SERPINB12: variants seen among roughly 807,000 people sequenced by gnomAD.
SERPINB12 encodes serpin B12.
In SERPINB12, 57 loss-of-function variants were observed where a neutral mutation model predicts 41.1. The observed-to-expected ratio is 1.39, with a 90% CI of 1.12 to 1.73. The LOEUF is 1.73. SERPINB12 is among the 40% of genes most tolerant of loss of function. The pLI is 0.00. For synonymous variants in SERPINB12, 180 were observed against 181.3 expected (o/e 0.99, Z 0.06); for missense variants, 536 against 501.9 (o/e 1.07, Z -0.65).
At chr18:63,551,321 T>C (rs770308200) in intron 1 of SERPINB12, among the ~76,000 whole-genome samples, 1 of 151,892 alleles carries the variant, frequency 6.6e-6, no homozygotes, top group Admixed American at 6.6e-5. Context: ...TTTTCAGGTA[T>C]GATTTCTTTT....
chr18:63,566,876 A>T lies in SERPINB12; in HGVS notation c.1143A>T (p.Ala381=). The change falls in exon 8 of 8, where the codon GCA becomes GCT. Residue 381 remains alanine, a synonymous_variant. Coordinates refer to ENST00000382768, the MANE Select transcript of SERPINB12 (RefSeq NM_001307928.2). ...ATGAAAACGGTACCCAGGCAGCTGC[A>T]GCCACTGGGGCTGTTGTCTCGGAAA... is the stretch of plus-strand genomic sequence containing the variant. The part of the protein sequence containing the change: ...EVDENGTQAA[A]ATGAVVSERS... 1 of 1,614,200 alleles carries T rather than the reference A, an allele frequency of 6.2e-7. No individual in the cohort carries two copies. The highest frequency in any genetic ancestry group is 8.5e-7 in the Non-Finnish European group (1 of 1,180,018).
At chr18:63,529,611 C>T in the SERPINB12 span, among the ~76,000 whole-genome samples, 1 of 152,068 alleles carries the variant, frequency 6.6e-6, no homozygotes, top group East Asian at 1.9e-4. Flanking sequence ...GCCCAGATGT[C>T]AGCACTTCAT....
the SERPINB12 span, among the ~76,000 whole-genome samples, chr18:63,521,986 A>G: frequency 6.6e-6 from 1 of 152,270 alleles, no homozygotes; most frequent in South Asian, 2.1e-4. Context: ...AGGTAGGACT[A>G]CAATCTAATG....
intron 7 of SERPINB12, 94 bp downstream of exon 7, chr18:63,565,706 T>C (rs1911078960): frequency 9.8e-7 from 1 of 1,017,090 alleles, no homozygotes; most frequent in Non-Finnish European, 1.4e-6. Context: ...GGAAATTCAG[T>C]ACCTCAGCTG....
In SERPINB12 at chr18:63,559,726, G is replaced by T; in HGVS notation, c.444+8G>T. The T allele has an allele frequency of 6.2e-7, 1 of 1,613,748 alleles. No homozygotes were observed. The highest frequency in any genetic ancestry group is 8.5e-7 in the Non-Finnish European group (1 of 1,179,800). ...GAATTCCCAATCTGTCAGGTGAGTT[G>T]CACACGAATGGTGACTAAAGCTACC... is the stretch of plus-strand genomic sequence containing the variant. On this transcript the variant is annotated splice_region_variant and intron_variant, in intron 4 of 7. Transcript: ENST00000382768.
the SERPINB12 span, among the ~76,000 whole-genome samples, chr18:63,526,113 A>G: frequency 0.025 from 3,867 of 152,200 alleles, 142 homozygotes; most frequent in African/African-American, 0.088. Context: ...AAAACATTTG[A>G]GCTAGTTGCT....
At chr18:63,543,274 G>T (rs1910312492) in intron 1 of SERPINB12, among the ~76,000 whole-genome samples, 1 of 152,184 alleles carries the variant, frequency 6.6e-6, no homozygotes, top group Admixed American at 6.5e-5. Context: ...CATCATAAGT[G>T]CAGGGACAAT....
At chr18:63,520,117 G>A in the SERPINB12 span, among the ~76,000 whole-genome samples, 1 of 152,186 alleles carries the variant, frequency 6.6e-6, no homozygotes, top group Non-Finnish European at 1.5e-5. Context: ...CAGGTGTGAG[G>A]CTCTTGCTCT....
chr18:63,535,987 TTCTC>T, the SERPINB12 span, among the ~76,000 whole-genome samples: 51 of 152,164 alleles, frequency 3.4e-4, no homozygotes, highest in Middle Eastern at 6.8e-3. Flanking sequence ...TATATATATT[TTCTC>T]TCTATGTAAA....
At chr18:63,552,934 G>A (rs139035732) in intron 1 of SERPINB12, among the ~76,000 whole-genome samples, 205 of 152,214 alleles carry the variant, frequency 1.3e-3, no homozygotes, top group African/African-American at 4.6e-3. Flanking sequence ...CCTATTGTAA[G>A]GGCTTACATA....
chr18:63,523,084 C>G, the SERPINB12 span, among the ~76,000 whole-genome samples: 1 of 151,794 alleles, frequency 6.6e-6, no homozygotes, highest in Non-Finnish European at 1.5e-5. Context: ...CTGGAACATC[C>G]CAAAGTTAGT....
At chr18:63,537,373 T>C (rs376661576), upstream of SERPINB12, among the ~76,000 whole-genome samples, 3 of 152,274 alleles carry the variant, frequency 2.0e-5, no homozygotes, top group South Asian at 2.1e-4. Context: ...GTGCATTGGG[T>C]TTTCTCTTTT....
At position 63,569,311 on chromosome 18, in the gene SERPINB12, T is replaced by G. The variant is rs1424272876; in HGVS notation, c.*2300T>G. 6.6e-6 allele frequency among the ~76,000 whole-genome samples: 1 copy of G among 152,252 alleles called. No individual in the cohort carries two copies. Among genetic ancestry groups the G allele is most frequent in the Non-Finnish European group, 1.5e-5 (1 of 68,040 alleles). On this transcript the variant is annotated 3_prime_UTR_variant, in exon 8 of 8. Coordinates refer to ENST00000382768, the MANE Select transcript of SERPINB12 (RefSeq NM_001307928.2). ...TTCTTCTGAATGAATAAAGCACTTTTGTTATTAGTTAAAATATATACGATG... is the reference window on the plus strand; with the variant it reads ...TTCTTCTGAATGAATAAAGCACTTTGGTTATTAGTTAAAATATATACGATG...
At chr18:63,531,482 A>C in the SERPINB12 span, among the ~76,000 whole-genome samples, 2 of 152,192 alleles carry the variant, frequency 1.3e-5, no homozygotes, top group African/African-American at 2.4e-5. Flanking sequence ...TAAGAGTAGG[A>C]AAGATACGGG....
Position 63,567,120 on chromosome 18 carries a change from C to T in SERPINB12, c.*109C>T. 9.6e-7 allele frequency: 1 copy of T among 1,042,502 alleles called. No homozygotes were observed. The highest frequency in any genetic ancestry group is 1.4e-6 in the Non-Finnish European group (1 of 726,580). The allele number at this position is 1,042,502 out of a possible 1,614,324, so 64.6% of individuals were successfully genotyped here. A position where few individuals can be genotyped will look rare whatever the true frequency, so the allele number is the denominator to read the frequency against. On this transcript the variant is annotated 3_prime_UTR_variant, in exon 8 of 8. Coordinates refer to ENST00000382768, the MANE Select transcript of SERPINB12 (RefSeq NM_001307928.2). ...TTGGTAATATCTAAAGCATCTCCTTCATCCTCCAGCCATCGGCTTGTGCTT... is the reference window on the plus strand; with the variant it reads ...TTGGTAATATCTAAAGCATCTCCTTTATCCTCCAGCCATCGGCTTGTGCTT...
rs908712740 is a variant in SERPINB12 at position 63,567,975 on chromosome 18, C to T, written c.*964C>T. 1.2e-4 allele frequency among the ~76,000 whole-genome samples: 18 copies of T among 146,246 alleles called. No individual in the cohort carries two copies. The highest frequency in any genetic ancestry group is 3.9e-4 in the African/African-American group (16 of 40,890). On this transcript the variant is annotated 3_prime_UTR_variant, in exon 8 of 8. Transcript: ENST00000382768. ...TTCTGGCCACGTGGAGGCTGGCCTC[C>T]GTGTGCCCCTCTCTCTGCCTTCTGG...
At position 63,565,499 on chromosome 18, in the gene SERPINB12, T is replaced by G; in HGVS notation, c.760T>G (p.Phe254Val). 6.2e-7 allele frequency: 1 copy of G among 1,614,002 alleles called. No individual in the cohort carries two copies. The highest frequency in any genetic ancestry group is 8.5e-7 in the Non-Finnish European group (1 of 1,179,928). The stretch of plus-strand genomic sequence containing the variant: ...GCAAAAAGGCCTCTACAGAATTGGC[T>G]TCATAGAGGAGGTGAAGGCACAGAT... ...MTQKGLYRIGFIEEVKAQILE... is the reference protein window; with the variant it reads ...MTQKGLYRIGVIEEVKAQILE... Residue 254 changes from phenylalanine to valine, a missense_variant, in exon 7 of 8, where the codon TTC becomes GTC. By Grantham distance (50) the Phe-to-Val change is conservative. Coordinates refer to ENST00000382768, the MANE Select transcript of SERPINB12 (RefSeq NM_001307928.2).
Position 63,567,322 on chromosome 18 carries a change from A to G in SERPINB12, c.*311A>G, listed in dbSNP as rs1391965567. Among the ~76,000 whole-genome samples the G allele has an allele frequency of 3.9e-5, 6 of 152,258 alleles. No homozygotes were observed. The East Asian group carries it at 9.6e-4, about 24-fold the overall frequency. ...TGAAGGAATCCTAAAAGTTCAGGTC[A>G]TTAGACCATTTCTAAGAGATGGCAA... is the stretch of plus-strand genomic sequence containing the variant. On this transcript the variant is annotated 3_prime_UTR_variant, in exon 8 of 8. Coordinates refer to ENST00000382768, the MANE Select transcript of SERPINB12 (RefSeq NM_001307928.2).
the SERPINB12 span, among the ~76,000 whole-genome samples, chr18:63,529,925 C>T: frequency 2.0e-5 from 3 of 152,044 alleles, no homozygotes; most frequent in Admixed American, 6.6e-5. Flanking sequence ...TCAGAAACTC[C>T]TTCCCATGAC....
Sources: gnomAD v4.1 joint callset for allele counts (sites outside exome capture counted in the v4.1 genomes callset) on GRCh38, gnomAD v4.1.1 for gene constraint, MANE v1.5 for transcripts, NCBI Gene and HGNC (gene_info 2026-07-23, HGNC 2026-07-21) for gene names.